CSMD3: variants seen among roughly 807,000 people sequenced by gnomAD.
CSMD3 encodes the protein CUB and sushi domain-containing protein 3.
A neutral mutation model predicts 435.2 loss-of-function variants in CSMD3; 177 were observed. The observed-to-expected ratio is 0.41, with a 90% CI of 0.36 to 0.46. The LOEUF is 0.46. Ranked by LOEUF, CSMD3 falls within the 20% of genes least tolerant of loss-of-function variation. The pLI, the probability that CSMD3 is intolerant of heterozygous loss-of-function variation, is 0.34. For missense variants in CSMD3, 4,265 were observed against 4,504.6 expected, an observed-to-expected ratio of 0.95 and a Z score of 1.52; for synonymous variants, 1,656 against 1,520.5, an observed-to-expected ratio of 1.09 and a Z score of -2.07.
chr8:112,537,102 T>G lies in CSMD3; in HGVS notation c.4564+13569A>C, dbSNP rs927037676. On this transcript the variant is annotated intron_variant, in intron 27 of 70. Coordinates refer to ENST00000297405, the MANE Select transcript of CSMD3 (RefSeq NM_198123.2). ...AGATAATGGGTGCAGCACACCAGCA[T>G]GGCACATGTATACATACGTAACTAA... Among the ~76,000 whole-genome samples, 5 of 152,014 alleles carry G rather than the reference T, an allele frequency of 3.3e-5. No individual in the cohort carries two copies. The East Asian group carries it at 9.7e-4, about 30-fold the overall frequency.
At chr8:112,772,543 A>G (rs546263945) in intron 13 of CSMD3, among the ~76,000 whole-genome samples, 2 of 152,178 alleles carry the variant, frequency 1.3e-5, no homozygotes, top group Non-Finnish European at 2.9e-5. Flanking sequence ...AGTCTGAAAT[A>G]TGGCCTCGTG....
intron 19 of CSMD3, 62 bp from the exon 20 acceptor site, chr8:112,645,287 C>G (rs2131613753): frequency 1.1e-6 from 1 of 885,608 alleles, no homozygotes; most frequent in Non-Finnish European, 1.9e-6. Context: ...GTGAACAAAT[C>G]TCTATCTCCT....
intron 4 of CSMD3, among the ~76,000 whole-genome samples, chr8:113,137,337 T>C (rs2091441787): frequency 6.6e-6 from 1 of 151,754 alleles, no homozygotes; most frequent in Non-Finnish European, 1.5e-5. Flanking sequence ...TCCTGTTTTA[T>C]CACTTAATAA....
rs766999292 is a variant in CSMD3, at chr8:112,829,726, C to T, written c.1819G>A (p.Asp607Asn). 1.4e-5 allele frequency: 23 copies of T among 1,613,190 alleles called. 1 individual carries two copies. The highest frequency in any genetic ancestry group is 3.3e-4 in the Middle Eastern group (2 of 6,084). The change falls in exon 12 of 71, where the codon GAT becomes AAT. Residue 607 changes from aspartate to asparagine, a missense_variant. By Grantham distance (23) the Asp-to-Asn change is conservative (BLOSUM62 1). Around this residue, in one of 3 missense-constraint regions of CSMD3, gnomAD observed 731 missense variants for 755.4 expected, o/e 0.97. Transcript: ENST00000297405. Reference protein sequence around the residue: ...EIGYDTLTIGDGGEVGDPRTV... With the variant: ...EIGYDTLTIGNGGEVGDPRTV... The stretch of plus-strand genomic sequence containing the variant: ...CTAGGATCTCCAACTTCGCCCCCAT[C>T]GCCAATTGTCAAGGTATCATAGCCA...
intron 9 of CSMD3, among the ~76,000 whole-genome samples, chr8:112,924,637 A>G (rs1002860932): frequency 2.0e-5 from 3 of 151,492 alleles, no homozygotes; most frequent in Non-Finnish European, 4.4e-5. Flanking sequence ...TTATAAAATA[A>G]TAAATAACTG....
intron 3 of CSMD3, among the ~76,000 whole-genome samples, chr8:113,255,668 G>A (rs2093373744): frequency 6.6e-6 from 1 of 151,746 alleles, no homozygotes; most frequent in African/African-American, 2.4e-5. Flanking sequence ...CTAATAAAGG[G>A]TGCCAACAAA....
chr8:113,377,263 C>G (rs1323775555), intron 1 of CSMD3: 1 of 358,786 alleles, frequency 2.8e-6, no homozygotes, highest in Non-Finnish European at 4.3e-6. Flanking sequence ...GGAGCCTACC[C>G]TCTTATTAAA....
At chr8:112,344,369 C>T (rs1283560910) in intron 41 of CSMD3, among the ~76,000 whole-genome samples, 2 of 152,156 alleles carry the variant, frequency 1.3e-5, no homozygotes, top group South Asian at 4.1e-4. Context: ...AATGCAAAGT[C>T]TGCATTGCCA....
intron 24 of CSMD3, among the ~76,000 whole-genome samples, chr8:112,563,977 TGAG>T (rs755253241): frequency 1.3e-5 from 2 of 151,966 alleles, no homozygotes; most frequent in Admixed American, 6.6e-5. Flanking sequence ...AAAAAAGAAT[TGAG>T]GAAGGCACAG....
intron 2 of CSMD3, among the ~76,000 whole-genome samples, chr8:113,284,094 G>T (rs1412587047): frequency 6.6e-6 from 1 of 152,032 alleles, no homozygotes; most frequent in Non-Finnish European, 1.5e-5. Flanking sequence ...GGGAGAGGGA[G>T]GTGGGCACGG....
chr8:113,208,813 A>G (rs369431311), intron 3 of CSMD3, among the ~76,000 whole-genome samples: 3 of 152,098 alleles, frequency 2.0e-5, no homozygotes, highest in African/African-American at 7.2e-5. Context: ...GGGTACATGT[A>G]GTGAATATGT....
intron 5 of CSMD3, among the ~76,000 whole-genome samples, chr8:113,084,013 A>G (rs2089663199): frequency 6.6e-6 from 1 of 152,186 alleles, no homozygotes; most frequent in Non-Finnish European, 1.5e-5. Flanking sequence ...AAATAAAATG[A>G]TATAGACTGG....
intron 1 of CSMD3, among the ~76,000 whole-genome samples, chr8:113,378,822 A>G (rs1404448307): frequency 6.6e-6 from 1 of 151,508 alleles, no homozygotes; most frequent in Non-Finnish European, 1.5e-5. Flanking sequence ...GATAGAGGCT[A>G]GAAATACTGC....
intron 1 of CSMD3, among the ~76,000 whole-genome samples, chr8:113,424,258 G>A (rs1400507535): frequency 6.6e-6 from 1 of 151,588 alleles, no homozygotes; most frequent in Non-Finnish European, 1.5e-5. Context: ...AGCAAAATTA[G>A]CATTGATGAA....
At chr8:112,941,690 T>C (rs1247815015) in intron 9 of CSMD3, among the ~76,000 whole-genome samples, 6 of 151,828 alleles carry the variant, frequency 4.0e-5, no homozygotes, top group Admixed American at 3.3e-4. Context: ...TAGTAACATA[T>C]TATCATTAAA....
At chr8:112,428,891 TC>T (rs1216180301) in intron 32 of CSMD3, among the ~76,000 whole-genome samples, 1 of 151,334 alleles carries the variant, frequency 6.6e-6, no homozygotes, top group Non-Finnish European at 1.5e-5. Flanking sequence ...TTTAGTTTTT[TC>T]TTTTTAATTA....
intron 3 of CSMD3, among the ~76,000 whole-genome samples, chr8:113,265,231 G>A (rs2093459772): frequency 6.6e-6 from 1 of 151,490 alleles, no homozygotes; most frequent in South Asian, 2.1e-4. Context: ...ACCAAGGCCT[G>A]CATAATGTCT....
intron 61 of CSMD3, among the ~76,000 whole-genome samples, chr8:112,257,167 A>G (rs952835205): frequency 6.6e-6 from 1 of 152,196 alleles, no homozygotes; most frequent in African/African-American, 2.4e-5. Context: ...GAATGGGCAA[A>G]AACTGGAAGC....
intron 13 of CSMD3, among the ~76,000 whole-genome samples, chr8:112,738,624 A>T (rs1186475259): frequency 6.6e-6 from 1 of 151,664 alleles, no homozygotes; most frequent in Non-Finnish European, 1.5e-5. Context: ...TTCTCAATAT[A>T]ATCATGCTAT....
Sources: gnomAD v4.1 joint callset for allele counts (sites outside exome capture counted in the v4.1 genomes callset) on GRCh38, gnomAD v4.1.1 for gene constraint, gnomAD v4.1.1 regional missense constraint, MANE v1.5 for transcripts, NCBI Gene and HGNC (gene_info 2026-07-23, HGNC 2026-07-21) for gene names.